CEP95: variants seen among roughly 807,000 people sequenced by gnomAD.
CEP95 encodes centrosomal protein 95.
A neutral mutation model predicts 111.2 loss-of-function variants in CEP95; 98 were observed. The observed-to-expected ratio is 0.88, with a 90% CI of 0.75 to 1.04. CEP95 has a LOEUF of 1.04. Ranked by LOEUF, CEP95 falls within the 50% of genes least tolerant of loss-of-function variation. The pLI is 0.00. For synonymous variants in CEP95, 323 were observed against 327.1 expected, an observed-to-expected ratio of 0.99 and a Z score of 0.14; for missense variants, 1,027 against 977.2, an observed-to-expected ratio of 1.05 and a Z score of -0.68.
chr17:64,509,501 A>G (rs1206135086), intron 2 of CEP95, among the ~76,000 whole-genome samples: 1 of 152,198 alleles, frequency 6.6e-6, no homozygotes, highest in Non-Finnish European at 1.5e-5. Flanking sequence ...CCTGGCCAAT[A>G]TGGCAAAATG....
At chr17:64,524,888 T>G (rs1296405058) in intron 8 of CEP95, among the ~76,000 whole-genome samples, 1 of 151,854 alleles carries the variant, frequency 6.6e-6, no homozygotes, top group African/African-American at 2.4e-5. Context: ...GGAGAATTGC[T>G]TGAACCCAGG....
At chr17:64,526,332 A>T (rs1555679121) in intron 10 of CEP95, 132 bp downstream of exon 10, 1 of 884,742 alleles carries the variant, frequency 1.1e-6, no homozygotes, top group Non-Finnish European at 1.6e-6. Context: ...AATGTTCCGT[A>T]AGTCAAGCAG....
chr17:64,522,869 A>C lies in CEP95; in HGVS notation c.883A>C (p.Thr295Pro), dbSNP rs781803433. 7 of 1,611,994 alleles carry C rather than the reference A, an allele frequency of 4.3e-6. No homozygotes were observed. The highest frequency in any genetic ancestry group is 5.1e-6 in the Non-Finnish European group (6 of 1,179,238). The change falls in exon 8 of 20, where the codon ACT becomes CCT. Residue 295 changes from threonine to proline, a missense_variant. By Grantham distance (38) the Thr-to-Pro change is conservative (BLOSUM62 -1). Transcript: ENST00000556440. ...TCACTGCTCCCCAGCCGTAAATTCT[A>C]CTGGAGAGCATACGGAATTTTCTGG... ...SSHCSPAVNS[T>P]GEHTEFSGDL... is the part of the protein sequence containing the mutation.
intron 12 of CEP95, among the ~76,000 whole-genome samples, chr17:64,530,210 A>G (rs1486468515): frequency 1.3e-5 from 2 of 151,972 alleles, no homozygotes; most frequent in Non-Finnish European, 2.9e-5. Flanking sequence ...ACATGTTGAA[A>G]CCCCATCTCT....
chr17:64,517,935 G>A (rs1967000065), intron 5 of CEP95, among the ~76,000 whole-genome samples: 1 of 151,798 alleles, frequency 6.6e-6, no homozygotes, highest in Non-Finnish European at 1.5e-5. Flanking sequence ...AGTGTGCAGT[G>A]GCACAATCTC....
At chr17:64,534,105 C>G (rs539859695) in intron 16 of CEP95, 1 of 160,710 alleles carries the variant, frequency 6.2e-6, no homozygotes, top group South Asian at 1.8e-4. Context: ...TGGTACTTTC[C>G]TGTGGAGGGA....
intron 11 of CEP95, among the ~76,000 whole-genome samples, chr17:64,527,870 G>GTGTA (rs1319661913): frequency 4.4e-4 from 50 of 112,652 alleles, no homozygotes; most frequent in African/African-American, 1.1e-3. Context: ...GTGTGTGTGT[G>GTGTA]TATATATATA....
intron 7 of CEP95, among the ~76,000 whole-genome samples, chr17:64,522,273 A>G (rs185465388): frequency 4.6e-5 from 7 of 152,298 alleles, no homozygotes; most frequent in African/African-American, 1.7e-4. Context: ...ATAACATAAC[A>G]TTCTTCAAGC....
intron 11 of CEP95, among the ~76,000 whole-genome samples, chr17:64,527,571 TGTTTTTATACTTTAA>T (rs1188525713): frequency 1.3e-5 from 2 of 152,182 alleles, no homozygotes; most frequent in African/African-American, 4.8e-5. Context: ...TTCTGATCCT[TGTTTTTATACTTTAA>T]GAGCTCATGC....
intron 9 of CEP95, 21 bp downstream of exon 9, chr17:64,525,903 A>C (rs782585636): frequency 3.2e-5 from 48 of 1,514,548 alleles, no homozygotes; most frequent in Non-Finnish European, 4.2e-5. Context: ...TGCAGACTTC[A>C]GTGTTTACAG....
intron 1 of CEP95, chr17:64,507,999 C>CAA (rs2038663565): frequency 1.0e-6 from 1 of 985,118 alleles, no homozygotes; most frequent in Non-Finnish European, 1.2e-6. Flanking sequence ...ATGTACTTCC[C>CAA]ATATTTTCTT....
At position 64,521,537 on chromosome 17, in the gene CEP95, A is replaced by G. The variant is rs782509769; in HGVS notation, c.715+10A>G. ...TCCTTTGTTGAAGACAGTGAGTTGT[A>G]ATGGATGTTAGTTCTTTACTGCTGA... is the stretch of plus-strand genomic sequence containing the variant. On this transcript the variant is annotated intron_variant, in intron 7 of 19. Transcript: ENST00000556440. 2 of 1,606,632 alleles carry G rather than the reference A, an allele frequency of 1.2e-6. No individual in the cohort carries two copies. Among genetic ancestry groups the G allele is most frequent in the Non-Finnish European group, 1.7e-6 (2 of 1,176,778 alleles).
intron 3 of CEP95, among the ~76,000 whole-genome samples, chr17:64,512,325 G>A (rs1382164351): frequency 6.6e-6 from 1 of 152,180 alleles, no homozygotes; most frequent in Non-Finnish European, 1.5e-5. Context: ...GCAGGACAAA[G>A]GGACAAGAAC....
intron 18 of CEP95, 119 bp downstream of exon 18, chr17:64,536,867 G>T: frequency 7.9e-7 from 1 of 1,264,624 alleles, no homozygotes; most frequent in Non-Finnish European, 1.1e-6. Context: ...GCACTCTACA[G>T]ATTAGAGGAC....
At chr17:64,506,958 C>T (rs1280956303), upstream of CEP95, 5 of 889,716 alleles carry the variant, frequency 5.6e-6, no homozygotes, top group East Asian at 2.6e-5. Context: ...TTTTAACGTC[C>T]GTCCTTCTTT....
intron 1 of CEP95, chr17:64,507,568 T>C (rs1239349818): frequency 9.7e-7 from 1 of 1,031,062 alleles, no homozygotes; most frequent in African/African-American, 1.7e-5. Flanking sequence ...AGAATAGTTG[T>C]GCTTTTTTCT....
chr17:64,513,485 T>G (rs145139742), intron 3 of CEP95, among the ~76,000 whole-genome samples: 2 of 152,324 alleles, frequency 1.3e-5, no homozygotes, highest in African/African-American at 4.8e-5. Context: ...ATTAAAAATC[T>G]GTTACGGAGT....
At chr17:64,535,262 G>C (rs1009148865) in intron 17 of CEP95, 10 of 165,168 alleles carry the variant, frequency 6.1e-5, no homozygotes, top group African/African-American at 2.4e-4. Context: ...CTAGAGGAAG[G>C]CTTTGAGGAG....
At chr17:64,515,652 G>T (rs1436683140) in intron 4 of CEP95, 2 of 152,188 alleles carry the variant, frequency 1.3e-5, no homozygotes, top group African/African-American at 4.8e-5. Context: ...AAGTTGCTCA[G>T]ATAGGCTTCC....
Sources: allele counts gnomAD v4.1 joint callset (sites outside exome capture counted in the v4.1 genomes callset), GRCh38; gene constraint gnomAD v4.1.1; transcripts MANE v1.5; gene names NCBI Gene and HGNC (gene_info 2026-07-23, HGNC 2026-07-21).